Variants in ESPNL observed in about 807,000 individuals in gnomAD.
The protein encoded by ESPNL is espin like.
A neutral mutation model predicts 46.8 loss-of-function variants in ESPNL; 49 were observed. The observed-to-expected ratio is 1.05, with a 90% CI of 0.83 to 1.33. The LOEUF (loss-of-function observed/expected upper bound fraction) is 1.33, where lower values mean the gene tolerates loss of function less well. Among genes scored for constraint, ESPNL ranks in the 40% most tolerant of loss-of-function variants. The pLI is 0.00. For missense variants in ESPNL, 1,540 were observed against 1,436.6 expected, an observed-to-expected ratio of 1.07 and a Z score of -1.16; for synonymous variants, 664 against 662.1, an observed-to-expected ratio of 1.00 and a Z score of -0.04.
chr2:238,101,849 C>T (rs1405603545), intron 1 of ESPNL, 92 bp from the exon 2 acceptor site: 2 of 883,870 alleles, frequency 2.3e-6, no homozygotes, highest in East Asian at 5.3e-5. Context: ...GGGTTGCAGG[C>T]AGTGTGAGCC....
intron 4 of ESPNL, among the ~76,000 whole-genome samples, chr2:238,113,244 G>A (rs1397444985): frequency 6.6e-6 from 1 of 152,176 alleles, no homozygotes; most frequent in East Asian, 1.9e-4. Context: ...GAATCCTTAT[G>A]TTTGCCAGTA....
Position 238,104,843 on chromosome 2 carries a change from G to A in ESPNL, c.672+1G>A, listed in dbSNP as rs1691561752. ...CCACTACTCCCTCGTCGTCTGGCTG[G>A]TAAGTGGGTGCCAGAGGTGGGAAGG... On this transcript the variant is annotated splice_donor_variant, in intron 3 of 8. Coordinates refer to ENST00000343063, the MANE Select transcript of ESPNL (RefSeq NM_194312.4). LOFTEE classifies it high-confidence loss of function. The A allele has an allele frequency of 2.0e-6, 3 of 1,494,136 alleles. No individual in the cohort carries two copies. The South Asian group carries it at 3.8e-5, about 19-fold the overall frequency. 92.6% of individuals were successfully genotyped at this position (1,494,136 alleles called of 1,614,324 possible).
chr2:238,109,543 G>A (rs1691671856), intron 4 of ESPNL, among the ~76,000 whole-genome samples: 1 of 152,154 alleles, frequency 6.6e-6, no homozygotes, highest in South Asian at 2.1e-4. Context: ...TTGTAGAGAT[G>A]GGAGTCTCAC....
At chr2:238,124,881 G>A (rs984327981) in intron 5 of ESPNL, among the ~76,000 whole-genome samples, 4 of 152,182 alleles carry the variant, frequency 2.6e-5, no homozygotes, top group African/African-American at 4.8e-5. Flanking sequence ...GTGTGCATAT[G>A]TGTGCACATG....
rs1691779523 is a variant in ESPNL at position 238,114,733 on chromosome 2, A to G, written c.856-2170A>G. On this transcript the variant is annotated intron_variant, in intron 4 of 8. Transcript: ENST00000343063. The surrounding 1 kb of genome is among the most constrained non-coding windows in gnomAD (Gnocchi z 5.0). The stretch of plus-strand genomic sequence containing the variant: ...CTCAAAATAGTTTTTCCCTTTTTAA[A>G]TGGGGAAAAGGAAAAAGAATCACAT... 1.3e-5 allele frequency among the ~76,000 whole-genome samples: 2 copies of G among 152,158 alleles called. No individual in the cohort carries two copies. The highest frequency in any genetic ancestry group is 3.8e-4 in the East Asian group (2 of 5,198).
At chr2:238,104,946 C>T (rs754991298) in intron 3 of ESPNL, 104 bp downstream of exon 3, 20 of 1,047,142 alleles carry the variant, frequency 1.9e-5, no homozygotes, top group Middle Eastern at 3.1e-4. Context: ...ACTGGGGACA[C>T]GCAGGGCTGT....
intron 4 of ESPNL, among the ~76,000 whole-genome samples, chr2:238,110,062 G>T (rs1691683757): frequency 6.6e-6 from 1 of 150,858 alleles, no homozygotes; most frequent in African/African-American, 2.4e-5. Flanking sequence ...TCCCATTTAG[G>T]ATGCCACACG....
intron 7 of ESPNL, 63 bp from the exon 8 acceptor site, chr2:238,128,644 T>C: frequency 6.7e-7 from 1 of 1,496,102 alleles, no homozygotes; most frequent in South Asian, 1.2e-5. Flanking sequence ...TCCTCTCGGA[T>C]CTTCCCTCCA....
chr2:238,128,810 A>T lies in ESPNL; in HGVS notation c.1319A>T (p.Asp440Val). 1 of 1,554,940 alleles carries T rather than the reference A, an allele frequency of 6.4e-7. No homozygotes were observed. The highest frequency in any genetic ancestry group is 8.7e-7 in the Non-Finnish European group (1 of 1,150,062). ...ATCGACGGGCTGGTGCCCACGCGGG[A>T]TGAGCGCGGCCAGCCCATCCCAGAG... ...GDIDGLVPTR[D>V]ERGQPIPEWK... Residue 440 changes from aspartate to valine, a missense_variant, in exon 8 of 9, where the codon GAT becomes GTT. Asp to Val is a radical substitution (Grantham distance 152, BLOSUM62 -3). Transcript: ENST00000343063.
At position 238,131,614 on chromosome 2, in the gene ESPNL, G is replaced by C. The variant is rs200897819; in HGVS notation, c.2900G>C (p.Arg967Pro). 3 of 1,611,574 alleles carry C rather than the reference G, an allele frequency of 1.9e-6. No individual in the cohort carries two copies. In the East Asian group the frequency reaches 6.7e-5, roughly 36 times the overall value. ...AGCGGCCCTGAGCCCACAGCACAGC[G>C]GCTGGGGTCCCGCTCCCAGCAGGGC... ...PCSGPEPTAQRLGSRSQQGSF... is the reference protein window; with the variant it reads ...PCSGPEPTAQPLGSRSQQGSF... The change falls in exon 9 of 9, where the codon CGG becomes CCG. Residue 967 changes from arginine to proline, a missense_variant. By Grantham distance (103) the Arg-to-Pro change is moderately radical. Transcript: ENST00000343063.
intron 8 of ESPNL, chr2:238,129,330 G>A (rs1559268702): frequency 1.1e-6 from 1 of 911,972 alleles, no homozygotes; most frequent in Non-Finnish European, 1.3e-6. Context: ...CCCCTCTGGG[G>A]ACGTGGCCTT....
intron 2 of ESPNL, 42 bp downstream of exon 2, chr2:238,102,173 G>A (rs777333402): frequency 2.2e-5 from 33 of 1,481,472 alleles, no homozygotes; most frequent in African/African-American, 8.4e-5. Context: ...AGCCTGGGGC[G>A]AGCTGGCCAA....
rs935415 is a variant in ESPNL, at chr2:238,107,898, C to G, written c.780C>G (p.Leu260=). ...CGCCCATTCTAGACCGACTCCTGCTCATGGGTACCCCCATCCTGAGAGACT... is the reference window on the plus strand; with the variant it reads ...CGCCCATTCTAGACCGACTCCTGCTGATGGGTACCCCCATCCTGAGAGACT... ...GHTPILDRLL[L]MGTPILRDSW... is the part of the protein sequence containing the mutation. Residue 260 remains leucine, a synonymous_variant, in exon 4 of 9, where the codon CTC becomes CTG. Transcript: ENST00000343063. The G allele has an allele frequency of 0.71, 1,148,733 of 1,611,878 alleles. 410,478 individuals are homozygous for G. The highest frequency in any genetic ancestry group is 0.8 in the African/African-American group (60,230 of 74,936).
In ESPNL at chr2:238,129,359, A is replaced by T. The variant is rs374624071; in HGVS notation, c.1413+455A>T. 15 of 611,508 alleles carry T rather than the reference A, an allele frequency of 2.5e-5. No homozygotes were observed. The East Asian group carries it at 5.4e-4, about 22-fold the overall frequency. The allele number at this position is 611,508 out of a possible 1,614,324, so 37.9% of individuals were successfully genotyped here. A position where few individuals can be genotyped will look rare whatever the true frequency, so the allele number is the denominator to read the frequency against. Reference sequence around the variant, plus strand: ...TGGCCTTGAGCAGGGGCCAGAGGGAAGAGAGGGGGAGCCCTGTGGGAATTT... The same window carrying T: ...TGGCCTTGAGCAGGGGCCAGAGGGATGAGAGGGGGAGCCCTGTGGGAATTT... On this transcript the variant is annotated intron_variant, in intron 8 of 8. Coordinates refer to ENST00000343063, the MANE Select transcript of ESPNL (RefSeq NM_194312.4).
At position 238,104,917 on chromosome 2, in the gene ESPNL, G is replaced by A. The variant is rs1055680629; in HGVS notation, c.672+75G>A. On this transcript the variant is annotated intron_variant, in intron 3 of 8. Transcript: ENST00000343063. ...TCCAGCAAGCAGAGCCTGGAGCCTG[G>A]ATGGGGGCTCCAGAGGGAACTGGGG... 6.2e-6 allele frequency: 8 copies of A among 1,286,404 alleles called. No individual in the cohort carries two copies. In the Admixed American group the frequency reaches 1.8e-4, roughly 29 times the overall value. The allele number at this position is 1,286,404 out of a possible 1,614,324, so 79.7% of individuals were successfully genotyped here.
At chr2:238,127,479 T>TTGG in intron 6 of ESPNL, 143 bp from the exon 7 acceptor site, 1 of 838,758 alleles carries the variant, frequency 1.2e-6, no homozygotes, top group Non-Finnish European at 1.8e-6. Flanking sequence ...CGAGGTGTTC[T>TTGG]GGGGCAGGGT....
chr2:238,119,606 AGC>A (rs1357158956), intron 5 of ESPNL, among the ~76,000 whole-genome samples: 3 of 131,304 alleles, frequency 2.3e-5, no homozygotes, highest in South Asian at 2.5e-4. Flanking sequence ...GGAGGAGGGG[AGC>A]TGGAGGAGGG....
At chr2:238,107,731 C>T in intron 3 of ESPNL, 60 bp from the exon 4 acceptor site, 3 of 1,479,100 alleles carry the variant, frequency 2.0e-6, no homozygotes, top group Non-Finnish European at 2.7e-6. Flanking sequence ...CCAAGCCCCT[C>T]CCACTCTGTG....
chr2:238,131,316 T>C lies in ESPNL; in HGVS notation c.2602T>C (p.Cys868Arg). 1.3e-6 allele frequency: 2 copies of C among 1,584,970 alleles called. No homozygotes were observed. The highest frequency in any genetic ancestry group is 1.7e-6 in the Non-Finnish European group (2 of 1,166,422). Residue 868 changes from cysteine to arginine, a missense_variant, in exon 9 of 9, where the codon TGC (cysteine) becomes CGC (arginine). Cys to Arg is a radical substitution (Grantham distance 180). Coordinates refer to ENST00000343063, the MANE Select transcript of ESPNL (RefSeq NM_194312.4). ...FMLGYFQLLE[C>R]DLPAEERKLR... is the part of the protein sequence containing the mutation. ...GCTGGGTTACTTCCAGCTGCTGGAGTGCGACCTGCCGGCGGAGGAGCGGAA... is the reference window on the plus strand; with the variant it reads ...GCTGGGTTACTTCCAGCTGCTGGAGCGCGACCTGCCGGCGGAGGAGCGGAA...
Sources: gnomAD v4.1 joint callset for allele counts (sites outside exome capture counted in the v4.1 genomes callset) on GRCh38, gnomAD v4.1.1 for gene constraint, Gnocchi (gnomAD v3.1) non-coding constraint, MANE v1.5 for transcripts, NCBI Gene and HGNC (gene_info 2026-07-23, HGNC 2026-07-21) for gene names.